MBD5: variants seen among roughly 807,000 people sequenced by gnomAD.
MBD5 encodes the protein methyl-CpG-binding domain protein 5.
In MBD5, 13 loss-of-function variants were observed where a neutral mutation model predicts 117.3. The ratio of observed to expected loss-of-function variants is 0.11; its 90% CI spans 0.07 to 0.18. The LOEUF (loss-of-function observed/expected upper bound fraction) is 0.18, where lower values mean the gene tolerates loss of function less well. Ranked by LOEUF, MBD5 falls within the 10% of genes least tolerant of loss-of-function variation. The pLI, the probability that MBD5 is intolerant of heterozygous loss-of-function variation, is 1.00. For synonymous variants in MBD5, 727 were observed against 766.4 expected (o/e 0.95, Z 0.85); for missense variants, 1,879 against 2,093.8 (o/e 0.90, Z 2.00).
At position 148,305,360 on chromosome 2, in the gene MBD5, T is replaced by C. The variant is rs114973002; in HGVS notation, c.-679-36854T>C. On this transcript the variant is annotated intron_variant, in intron 3 of 13. Transcript: ENST00000642680. ...AGTCCATTCCTCATTTGGTAGAGGATGTCTGCCGGATGGTATGAACAATCA... is the reference window on the plus strand; with the variant it reads ...AGTCCATTCCTCATTTGGTAGAGGACGTCTGCCGGATGGTATGAACAATCA... 4.5e-3 allele frequency among the ~76,000 whole-genome samples: 688 copies of C among 152,324 alleles called. 7 individuals are homozygous for C. The highest frequency in any genetic ancestry group is 0.016 in the African/African-American group (671 of 41,560).
Position 148,463,846 on chromosome 2 carries a change from A to C in MBD5, c.324A>C (p.Ala108=). 1 of 1,613,786 alleles carries C rather than the reference A, an allele frequency of 6.2e-7. No homozygotes were observed. Among genetic ancestry groups the C allele is most frequent in the Non-Finnish European group, 8.5e-7 (1 of 1,179,762 alleles). The change falls in exon 7 of 14, where the codon GCA becomes GCC. Residue 108 remains alanine, a synonymous_variant. Coordinates refer to ENST00000642680, the MANE Select transcript of MBD5 (RefSeq NM_001378120.1). Reference sequence around the variant, plus strand: ...GCATACATAAAAGAAAAATTATTGCAGTGGCCACACTTCATAAAAGCATGG... The same window carrying C: ...GCATACATAAAAGAAAAATTATTGCCGTGGCCACACTTCATAAAAGCATGG... ...KLCIHKRKII[A]VATLHKSMEA...
chr2:148,485,204 G>T (rs1357721), intron 9 of MBD5: 131,899 of 152,302 alleles, frequency 0.87, 58,151 homozygotes, highest in South Asian at 0.98. Flanking sequence ...TCTTTTCCAT[G>T]TTAATTTTAG....
Position 148,139,115 on chromosome 2 carries a change from TTATC to T in MBD5, c.-924-39581_-924-39578del, listed in dbSNP as rs1697243986. 2.6e-5 allele frequency among the ~76,000 whole-genome samples: 4 copies of T among 152,216 alleles called. 1 individual carries two copies. The South Asian group carries it at 8.3e-4, about 32-fold the overall frequency. Reference sequence around the variant, plus strand: ...TGAAACTATTTTTATGCCCTATTGATTATCTATAATTTATACAGAGACTGGGCTC... The same window carrying T: ...TGAAACTATTTTTATGCCCTATTGATTATAATTTATACAGAGACTGGGCTC... On this transcript the variant is annotated intron_variant, in intron 1 of 13. Coordinates refer to ENST00000642680, the MANE Select transcript of MBD5 (RefSeq NM_001378120.1).
chr2:148,424,770 G>T (rs1386478568), intron 4 of MBD5, among the ~76,000 whole-genome samples: 1 of 152,138 alleles, frequency 6.6e-6, no homozygotes, highest in Non-Finnish European at 1.5e-5. Flanking sequence ...TGAACAACCT[G>T]CTCCTGAATG....
Position 148,489,375 on chromosome 2 carries a change from A to C in MBD5, c.3754-11A>C. On this transcript the variant is annotated splice_polypyrimidine_tract_variant and intron_variant, in intron 10 of 13. Transcript: ENST00000642680. ...CCCTTTCTCTCACTGCTTCCTGTCTATTTCTTCAAGGTGAGAATGCAGGAA... is the reference window on the plus strand; with the variant it reads ...CCCTTTCTCTCACTGCTTCCTGTCTCTTTCTTCAAGGTGAGAATGCAGGAA... 1 of 1,613,870 alleles carries C rather than the reference A, an allele frequency of 6.2e-7. No homozygotes were observed. Among genetic ancestry groups the C allele is most frequent in the Non-Finnish European group, 8.5e-7 (1 of 1,180,004 alleles).
chr2:148,086,965 G>A (rs1443011511), intron 1 of MBD5, among the ~76,000 whole-genome samples: 1 of 152,032 alleles, frequency 6.6e-6, no homozygotes, highest in Non-Finnish European at 1.5e-5. Context: ...TGACAGAAAA[G>A]AGGAAGCAAA....
intron 2 of MBD5, among the ~76,000 whole-genome samples, chr2:148,225,918 C>T (rs2106103000): frequency 6.6e-6 from 1 of 152,164 alleles, no homozygotes; most frequent in Admixed American, 6.5e-5. Context: ...TATTAAATGC[C>T]TTAGGGTAGT....
At chr2:148,363,012 A>G (rs746250647) in intron 4 of MBD5, among the ~76,000 whole-genome samples, 3 of 152,230 alleles carry the variant, frequency 2.0e-5, no homozygotes, top group Non-Finnish European at 2.9e-5. Context: ...AAAGGTAGAT[A>G]AATCAATGAA....
At chr2:148,341,354 C>A (rs529508570) in intron 3 of MBD5, among the ~76,000 whole-genome samples, 1 of 148,340 alleles carries the variant, frequency 6.7e-6, no homozygotes, top group South Asian at 2.1e-4. Flanking sequence ...TTTTCTTGTT[C>A]TCTTTTTGAG....
chr2:148,205,279 G>A (rs1374459412), intron 2 of MBD5, among the ~76,000 whole-genome samples: 7 of 151,880 alleles, frequency 4.6e-5, no homozygotes, highest in African/African-American at 1.5e-4. Context: ...TAGTAGAGAC[G>A]GGGTTTTACC....
intron 4 of MBD5, among the ~76,000 whole-genome samples, chr2:148,398,939 G>A (rs1319300032): frequency 6.6e-6 from 1 of 152,092 alleles, no homozygotes; most frequent in African/African-American, 2.4e-5. Context: ...TTTTTCTCAG[G>A]TTTGTCAAAG....
chr2:148,098,003 G>A (rs960115351), intron 1 of MBD5, among the ~76,000 whole-genome samples: 2 of 152,176 alleles, frequency 1.3e-5, no homozygotes, highest in African/African-American at 4.8e-5. Flanking sequence ...ACTGTGTAAA[G>A]GTGTTTAGAA....
At chr2:148,447,071 A>AAAAG (rs1553516283) in intron 4 of MBD5, among the ~76,000 whole-genome samples, 1 of 150,138 alleles carries the variant, frequency 6.7e-6, no homozygotes, top group African/African-American at 2.5e-5. Flanking sequence ...GAAAGAAAGA[A>AAAAG]AAAGAAAGAA....
chr2:148,171,232 CA>C (rs1698255098), intron 1 of MBD5, among the ~76,000 whole-genome samples: 1 of 152,154 alleles, frequency 6.6e-6, no homozygotes, highest in Admixed American at 6.5e-5. Flanking sequence ...CAAATATCCT[CA>C]ACAAAATACT....
At chr2:148,252,135 G>A (rs917860299) in intron 3 of MBD5, among the ~76,000 whole-genome samples, 1 of 152,078 alleles carries the variant, frequency 6.6e-6, no homozygotes, top group Admixed American at 6.6e-5. Flanking sequence ...TAGAACAAAG[G>A]CTTTTGCTGT....
At position 148,385,244 on chromosome 2, in the gene MBD5, A is replaced by C. The variant is rs538876024; in HGVS notation, c.-557+42908A>C. ...CAAAGGGCTACTATCCAGAATCTAC[A>C]ATGAACTCAAACAAATTTACAAGAA... is the stretch of plus-strand genomic sequence containing the variant. On this transcript the variant is annotated intron_variant, in intron 4 of 13. Coordinates refer to ENST00000642680, the MANE Select transcript of MBD5 (RefSeq NM_001378120.1). 4.6e-5 allele frequency among the ~76,000 whole-genome samples: 7 copies of C among 152,230 alleles called. No individual in the cohort carries two copies. In the East Asian group the frequency reaches 7.7e-4, roughly 17 times the overall value.
chr2:148,049,750 C>G (rs541887617), intron 1 of MBD5, among the ~76,000 whole-genome samples: 1 of 152,266 alleles, frequency 6.6e-6, no homozygotes, highest in South Asian at 2.1e-4. Context: ...CTGGCAACTT[C>G]TAGTCTACTT....
intron 4 of MBD5, among the ~76,000 whole-genome samples, chr2:148,410,182 A>C (rs1468950096): frequency 1.3e-5 from 2 of 152,088 alleles, no homozygotes; most frequent in Non-Finnish European, 1.5e-5. Flanking sequence ...CTACTTTTCC[A>C]TGTCTTTGAT....
At chr2:148,129,933 T>C (rs983151485) in intron 1 of MBD5, among the ~76,000 whole-genome samples, 9 of 152,220 alleles carry the variant, frequency 5.9e-5, no homozygotes, top group African/African-American at 2.2e-4. Context: ...TTGGATTACC[T>C]CCCTAAATAA....
Sources: allele counts gnomAD v4.1 joint callset (sites outside exome capture counted in the v4.1 genomes callset), GRCh38; gene constraint gnomAD v4.1.1; transcripts MANE v1.5; gene names NCBI Gene and HGNC (gene_info 2026-07-23, HGNC 2026-07-21).